The following SNX24 variants were observed in gnomAD, a reference collection of about 807,000 sequenced individuals.
The protein encoded by SNX24 is sorting nexin-24.
SNX24 carries 22 observed loss-of-function variants against 28.7 expected under a neutral mutation model. The observed-to-expected ratio is 0.77, with a 90% CI of 0.55 to 1.10. The LOEUF (loss-of-function observed/expected upper bound fraction) is 1.10, where lower values mean the gene tolerates loss of function less well. Ranked by LOEUF, SNX24 falls within the 50% of genes least tolerant of loss-of-function variation. SNX24 has a pLI of 0.00. For missense variants in SNX24, 221 were observed against 201.1 expected, an observed-to-expected ratio of 1.10 and a Z score of -0.60; for synonymous variants, 69 against 71.5, an observed-to-expected ratio of 0.96 and a Z score of 0.18.
chr5:122,906,978 C>T (rs922576787), intron 1 of SNX24, among the ~76,000 whole-genome samples: 2 of 152,172 alleles, frequency 1.3e-5, no homozygotes, highest in African/African-American at 4.8e-5. Context: ...TACAGGCCAC[C>T]AGTGCCACAG....
At chr5:123,003,592 A>T (rs902265709) in intron 6 of SNX24, among the ~76,000 whole-genome samples, 2 of 152,180 alleles carry the variant, frequency 1.3e-5, no homozygotes, top group African/African-American at 4.8e-5. Flanking sequence ...GTTACTGTGG[A>T]CTAGAATAGC....
chr5:123,019,726 C>G (rs1418215913), intron 5 of SNX24, among the ~76,000 whole-genome samples: 1 of 152,194 alleles, frequency 6.6e-6, no homozygotes, highest in African/African-American at 2.4e-5. Flanking sequence ...GTGTAAATTT[C>G]CCTCTGATTC....
chr5:122,868,920 T>C (rs1433282134), intron 1 of SNX24, among the ~76,000 whole-genome samples: 1 of 152,238 alleles, frequency 6.6e-6, no homozygotes, highest in African/African-American at 2.4e-5. Flanking sequence ...CTTCCAAAAG[T>C]GAAACGTACT....
intron 2 of SNX24, among the ~76,000 whole-genome samples, chr5:122,945,069 A>G (rs1463250397): frequency 6.6e-6 from 1 of 152,190 alleles, no homozygotes; most frequent in African/African-American, 2.4e-5. Context: ...TCACTGGGCT[A>G]AAATCAAGGT....
At chr5:122,964,143 T>G (rs1174699464) in intron 3 of SNX24, among the ~76,000 whole-genome samples, 1 of 146,222 alleles carries the variant, frequency 6.8e-6, no homozygotes, top group Non-Finnish European at 1.5e-5. Flanking sequence ...CTTGGGAGGC[T>G]GAGGCAGGAG....
chr5:122,926,423 G>A (rs1758697231), intron 1 of SNX24, among the ~76,000 whole-genome samples: 1 of 152,180 alleles, frequency 6.6e-6, no homozygotes, highest in Non-Finnish European at 1.5e-5. Context: ...AGGTTGTAGA[G>A]TGAGAACTGA....
intron 1 of SNX24, among the ~76,000 whole-genome samples, chr5:122,918,594 C>G (rs924463373): frequency 2.6e-5 from 4 of 152,178 alleles, no homozygotes; most frequent in African/African-American, 9.7e-5. Flanking sequence ...AAATATCTTA[C>G]TCTGTCCTGT....
At chr5:122,956,361 A>T (rs111637571) in intron 3 of SNX24, among the ~76,000 whole-genome samples, 4,405 of 89,902 alleles carry the variant, frequency 0.049, 110 homozygotes, top group Non-Finnish European at 0.056. Flanking sequence ...GGAAAAAAAA[A>T]ATATATACAC....
At chr5:122,932,732 G>A (rs866047096) in intron 1 of SNX24, among the ~76,000 whole-genome samples, 67 of 151,950 alleles carry the variant, frequency 4.4e-4, no homozygotes, top group Admixed American at 3.7e-3. Context: ...GGTGGCGGGC[G>A]CCTGTAGTCC....
intron 2 of SNX24, among the ~76,000 whole-genome samples, chr5:122,937,102 A>C (rs183323260): frequency 6.6e-6 from 1 of 152,344 alleles, no homozygotes; most frequent in East Asian, 1.9e-4. Flanking sequence ...GAAAGAATAA[A>C]ACCCAGACTC....
chr5:122,883,265 C>A (rs1703677384), intron 1 of SNX24, among the ~76,000 whole-genome samples: 1 of 152,192 alleles, frequency 6.6e-6, no homozygotes, highest in Non-Finnish European at 1.5e-5. Flanking sequence ...AATCACTCCA[C>A]ATCACTGCTC....
chr5:122,958,927 G>A (rs1294348605), intron 3 of SNX24, among the ~76,000 whole-genome samples: 1 of 152,104 alleles, frequency 6.6e-6, no homozygotes, highest in Non-Finnish European at 1.5e-5. Context: ...TTGCATCAGT[G>A]CTCGTCAGGA....
intron 3 of SNX24, among the ~76,000 whole-genome samples, chr5:122,990,052 G>A (rs1264347897): frequency 2.0e-5 from 3 of 152,152 alleles, no homozygotes; most frequent in Admixed American, 6.5e-5. Context: ...AAGAGGCCAA[G>A]CCCCTCCTCC....
Position 122,936,832 on chromosome 5 carries a change from GTTTT to G in SNX24, c.144+19_144+22del. 1 of 1,565,656 alleles carries G rather than the reference GTTTT, an allele frequency of 6.4e-7. No homozygotes were observed. The highest frequency in any genetic ancestry group is 8.8e-7 in the Non-Finnish European group (1 of 1,139,382). ...TGCACAAAAAGGTAACTTGTTTTCT[GTTTT>G]TTTGTCTTTTCTCTATGTGGCAGAT... On this transcript the variant is annotated intron_variant, in intron 2 of 6. Transcript: ENST00000261369.
intron 5 of SNX24, among the ~76,000 whole-genome samples, chr5:123,018,550 G>C (rs1762718177): frequency 6.6e-6 from 1 of 152,118 alleles, no homozygotes; most frequent in Non-Finnish European, 1.5e-5. Context: ...AAGTTAATGG[G>C]GGTGGAAACG....
intron 1 of SNX24, among the ~76,000 whole-genome samples, chr5:122,897,058 A>G (rs1421480397): frequency 6.6e-6 from 1 of 152,220 alleles, no homozygotes; most frequent in African/African-American, 2.4e-5. Context: ...TATTAAATCA[A>G]TATAGTGTTT....
intron 3 of SNX24, among the ~76,000 whole-genome samples, chr5:122,974,165 G>A (rs246317): frequency 0.77 from 117,053 of 152,148 alleles, 45,905 homozygotes; most frequent in East Asian, 0.99. Context: ...CTTACAAGGA[G>A]TATCTCAACA....
chr5:122,887,813 C>T (rs184609085), intron 1 of SNX24, among the ~76,000 whole-genome samples: 76 of 152,308 alleles, frequency 5.0e-4, no homozygotes, highest in African/African-American at 1.8e-3. Context: ...AGTGATTCTC[C>T]TGCTTCAGCC....
At chr5:122,939,948 C>G (rs778220858) in intron 2 of SNX24, among the ~76,000 whole-genome samples, 11 of 152,024 alleles carry the variant, frequency 7.2e-5, no homozygotes, top group Non-Finnish European at 1.5e-4. Flanking sequence ...CTTGCATTAT[C>G]TTCCAAATTC....
Sources: gnomAD v4.1 joint callset for allele counts (sites outside exome capture counted in the v4.1 genomes callset) on GRCh38, gnomAD v4.1.1 for gene constraint, MANE v1.5 for transcripts, NCBI Gene and HGNC (gene_info 2026-07-23, HGNC 2026-07-21) for gene names.